Variants in SLC25A12 observed in about 807,000 individuals in gnomAD.
SLC25A12 encodes solute carrier family 25 member 12, also known as electrogenic aspartate/glutamate antiporter SLC25A12, mitochondrial.
A neutral mutation model predicts 83.3 loss-of-function variants in SLC25A12; 32 were observed. That is an observed-to-expected ratio of 0.38 (90% CI 0.29 to 0.52). SLC25A12 has a LOEUF of 0.52. Among genes scored for constraint, SLC25A12 ranks in the 20% least tolerant of loss-of-function variants. SLC25A12 has a pLI of 0.84. For missense variants in SLC25A12, 611 were observed against 835.6 expected (o/e 0.73, Z 3.31); for synonymous variants, 267 against 291.1 (o/e 0.92, Z 0.84).
At chr2:171,847,436 TTA>T (rs1684822953) in intron 4 of SLC25A12, among the ~76,000 whole-genome samples, 1 of 152,360 alleles carries the variant, frequency 6.6e-6, no homozygotes, top group East Asian at 1.9e-4. Flanking sequence ...GCTGGTGTTT[TTA>T]TGTTACCCAG....
In SLC25A12 at chr2:171,867,051, GCGCTC is replaced by G. The variant is rs1192023165; in HGVS notation, c.209+1625_209+1629del. Among the ~76,000 whole-genome samples the G allele has an allele frequency of 1.2e-3, 175 of 147,254 alleles. 1 individual carries two copies. Among genetic ancestry groups the G allele is most frequent in the African/African-American group, 4.3e-3 (168 of 39,254 alleles). ...TCCCAGACGGGGCGGTGGGGCAGAG[GCGCTC>G]CCCACATCTCAGACGATGGGCGGCC... On this transcript the variant is annotated intron_variant, in intron 3 of 17. Coordinates refer to ENST00000422440, the MANE Select transcript of SLC25A12 (RefSeq NM_003705.5).
At chr2:171,802,694 T>G (rs1258255391) in intron 13 of SLC25A12, among the ~76,000 whole-genome samples, 1 of 152,168 alleles carries the variant, frequency 6.6e-6, no homozygotes, top group Non-Finnish European at 1.5e-5. Flanking sequence ...GAGAATGGCG[T>G]GAACCCGGGA....
intron 2 of SLC25A12, among the ~76,000 whole-genome samples, chr2:171,872,771 G>C (rs745489008): frequency 6.6e-6 from 1 of 152,124 alleles, no homozygotes; most frequent in Non-Finnish European, 1.5e-5. Context: ...TGCAAGTGGA[G>C]AGAATGGGTA....
In SLC25A12 at chr2:171,785,225, A is replaced by T; in HGVS notation, c.*49T>A. 6.5e-7 allele frequency: 1 copy of T among 1,547,364 alleles called. No homozygotes were observed. The highest frequency in any genetic ancestry group is 8.9e-7 in the Non-Finnish European group (1 of 1,119,828). ...GGATACATTACAGGGCTGCTCTCCT[A>T]GGCCTCTTTCTTCAAGGCGCCATTT... is the stretch of plus-strand genomic sequence containing the variant. On this transcript the variant is annotated 3_prime_UTR_variant, in exon 18 of 18. Coordinates refer to ENST00000422440, the MANE Select transcript of SLC25A12 (RefSeq NM_003705.5).
rs759281812 is a variant in SLC25A12 at position 171,813,501 on chromosome 2, C to T, written c.1013-4G>A. On this transcript the variant is annotated splice_region_variant and splice_polypyrimidine_tract_variant and intron_variant, in intron 10 of 17. Transcript: ENST00000422440. ...TACACTGCAGTGGCTCCCACAGCTA[C>T]AAACAGAACAATTTTTAGGCTTAAA... 46 of 1,613,756 alleles carry T rather than the reference C, an allele frequency of 2.9e-5. 2 individuals carry two copies. Among genetic ancestry groups the T allele is most frequent in the Middle Eastern group, 3.3e-4 (2 of 6,054 alleles).
At chr2:171,852,470 AAT>A (rs1684954085) in intron 4 of SLC25A12, among the ~76,000 whole-genome samples, 1 of 152,242 alleles carries the variant, frequency 6.6e-6, no homozygotes, top group Non-Finnish European at 1.5e-5. Flanking sequence ...CATTGCAGCT[AAT>A]ATTGTCTTCC....
chr2:171,893,396 T>C (rs951826359), intron 1 of SLC25A12, 138 bp from the exon 2 acceptor site: 18 of 798,252 alleles, frequency 2.3e-5, no homozygotes, highest in East Asian at 5.1e-5. Context: ...AAAGCCCTAA[T>C]TGCTGATAAG....
intron 13 of SLC25A12, among the ~76,000 whole-genome samples, chr2:171,798,851 G>A (rs939166531): frequency 3.3e-5 from 5 of 152,198 alleles, no homozygotes; most frequent in Non-Finnish European, 7.3e-5. Flanking sequence ...GCTATGATCC[G>A]AATATTGGTG....
intron 3 of SLC25A12, 144 bp downstream of exon 3, chr2:171,868,537 C>T (rs1287399321): frequency 4.1e-6 from 3 of 736,134 alleles, no homozygotes; most frequent in Non-Finnish European, 7.1e-6. Context: ...TGGTCTCAAA[C>T]TCCCGACCTC....
At chr2:171,866,822 A>C (rs1685329549) in intron 3 of SLC25A12, among the ~76,000 whole-genome samples, 1 of 135,186 alleles carries the variant, frequency 7.4e-6, no homozygotes, top group African/African-American at 2.8e-5. Flanking sequence ...GCTGACCCCC[A>C]CCTCCCTCCC....
At chr2:171,835,400 C>T (rs898729504) in intron 6 of SLC25A12, among the ~76,000 whole-genome samples, 1 of 152,114 alleles carries the variant, frequency 6.6e-6, no homozygotes, top group Non-Finnish European at 1.5e-5. Context: ...ACTCTAAATT[C>T]GGATCATGAA....
intron 9 of SLC25A12, 102 bp from the exon 10 acceptor site, chr2:171,815,304 A>C (rs760021332): frequency 1.2e-4 from 95 of 794,708 alleles, no homozygotes; most frequent in Non-Finnish European, 1.8e-4. Flanking sequence ...CAAAACCTAA[A>C]AGTGATATTG....
intron 13 of SLC25A12, among the ~76,000 whole-genome samples, chr2:171,803,807 A>AT (rs1229127562): frequency 1.5e-5 from 1 of 67,802 alleles, no homozygotes; most frequent in Non-Finnish European, 3.8e-5. Context: ...TTATTTAAAA[A>AT]AATACACACA....
intron 11 of SLC25A12, among the ~76,000 whole-genome samples, chr2:171,812,170 G>A (rs769487006): frequency 3.9e-5 from 6 of 152,058 alleles, no homozygotes; most frequent in East Asian, 1.9e-4. Context: ...GTTTGATTTC[G>A]GAATAACTCT....
chr2:171,784,325 A>G lies in SLC25A12; in HGVS notation c.*949T>C, dbSNP rs1447553095. 1 of 152,272 alleles carries G rather than the reference A, an allele frequency of 6.6e-6. No homozygotes were observed. Among genetic ancestry groups the G allele is most frequent in the Non-Finnish European group, 1.5e-5 (1 of 68,046 alleles). The allele number at this position is 152,272 out of a possible 1,614,324, so 9.4% of individuals were successfully genotyped here. On this transcript the variant is annotated 3_prime_UTR_variant, in exon 18 of 18. Transcript: ENST00000422440. ...TGCAATCAGTAGTCAATCAGAACAA[A>G]AAGTATTATCAGTATATTTACAAAG... is the stretch of plus-strand genomic sequence containing the variant.
intron 6 of SLC25A12, among the ~76,000 whole-genome samples, chr2:171,836,637 C>A (rs1684563397): frequency 6.6e-6 from 1 of 152,176 alleles, no homozygotes; most frequent in Non-Finnish European, 1.5e-5. Flanking sequence ...ATCCCTCCGG[C>A]AGACAGCACC....
chr2:171,834,179 A>G, intron 7 of SLC25A12, 123 bp from the exon 8 acceptor site: 3 of 652,082 alleles, frequency 4.6e-6, no homozygotes, highest in East Asian at 2.8e-5. Flanking sequence ...TTTAAAATCT[A>G]AAATTGAATT....
At chr2:171,859,004 C>T (rs1418311199) in intron 3 of SLC25A12, among the ~76,000 whole-genome samples, 2 of 152,156 alleles carry the variant, frequency 1.3e-5, no homozygotes, top group East Asian at 1.9e-4. Flanking sequence ...GAAAGGCAAA[C>T]GTTAAGTGAT....
intron 13 of SLC25A12, among the ~76,000 whole-genome samples, chr2:171,798,683 T>C (rs1012724026): frequency 2.6e-5 from 4 of 152,212 alleles, no homozygotes; most frequent in Non-Finnish European, 5.9e-5. Context: ...CAACCGTTCA[T>C]ATTTTTGTAA....
Sources: allele counts gnomAD v4.1 joint callset (sites outside exome capture counted in the v4.1 genomes callset), GRCh38; gene constraint gnomAD v4.1.1; transcripts MANE v1.5; gene names NCBI Gene and HGNC (gene_info 2026-07-23, HGNC 2026-07-21).